UBXN7: variants seen among roughly 807,000 people sequenced by gnomAD.
The protein encoded by UBXN7 is UBX domain-containing protein 7.
In UBXN7, 9 loss-of-function variants were observed where a neutral mutation model predicts 58.0. That is an observed-to-expected ratio of 0.16 (90% confidence interval 0.09 to 0.27). The LOEUF is 0.27. Ranked by LOEUF, UBXN7 falls within the 10% of genes least tolerant of loss-of-function variation. The pLI is 1.00. For synonymous variants in UBXN7, 208 were observed against 205.0 expected, an observed-to-expected ratio of 1.01 and a Z score of -0.12; for missense variants, 328 against 599.6, an observed-to-expected ratio of 0.55 and a Z score of 4.73.
intron 3 of UBXN7, among the ~76,000 whole-genome samples, chr3:196,401,637 A>T (rs1729986513): frequency 6.7e-6 from 1 of 150,128 alleles, no homozygotes; most frequent in East Asian, 2.0e-4. Context: ...GATTGAAAAA[A>T]ATACCTATAA....
intron 5 of UBXN7, among the ~76,000 whole-genome samples, chr3:196,382,228 G>A (rs554160086): frequency 2.0e-5 from 3 of 152,126 alleles, no homozygotes; most frequent in Admixed American, 6.5e-5. Context: ...AAGTGTTAAG[G>A]GCAGCCAGAG....
chr3:196,408,880 G>A (rs546310995), intron 1 of UBXN7, among the ~76,000 whole-genome samples: 7 of 152,076 alleles, frequency 4.6e-5, no homozygotes, highest in South Asian at 2.1e-4. Context: ...ATTTGTCAGG[G>A]TGATTTTATT....
intron 5 of UBXN7, among the ~76,000 whole-genome samples, chr3:196,378,156 G>C (rs527246936): frequency 2.5e-4 from 38 of 151,960 alleles, no homozygotes; most frequent in African/African-American, 8.0e-4. Flanking sequence ...CGCTACAATG[G>C]CAAGGATTTT....
chr3:196,390,730 GAAA>G (rs528568666), intron 5 of UBXN7, among the ~76,000 whole-genome samples: 4 of 101,578 alleles, frequency 3.9e-5, no homozygotes, highest in Admixed American at 1.1e-4. Flanking sequence ...CCATCTCAAG[GAAA>G]AAAAAAAAAA....
chr3:196,402,490 G>A (rs552380606), intron 3 of UBXN7, among the ~76,000 whole-genome samples: 56 of 152,212 alleles, frequency 3.7e-4, no homozygotes, highest in Admixed American at 6.5e-4. Context: ...AAATTAATCT[G>A]ATTAAATGTC....
intron 8 of UBXN7, among the ~76,000 whole-genome samples, chr3:196,367,180 C>T (rs755993083): frequency 3.3e-4 from 47 of 142,718 alleles, no homozygotes; most frequent in Admixed American, 1.9e-3. Context: ...AAGACTCTGG[C>T]TCAAAAAAAG....
chr3:196,380,244 C>T (rs979028295), intron 5 of UBXN7, among the ~76,000 whole-genome samples: 3 of 144,898 alleles, frequency 2.1e-5, no homozygotes, highest in African/African-American at 5.1e-5. Context: ...GGCGAAAGAG[C>T]GAGATTTCAT....
chr3:196,386,440 A>G (rs1303618309), intron 5 of UBXN7, among the ~76,000 whole-genome samples: 1 of 151,008 alleles, frequency 6.6e-6, no homozygotes, highest in Non-Finnish European at 1.5e-5. Context: ...CTGTTTGCAG[A>G]TGACATGATT....
At chr3:196,393,393 G>C (rs1319868750) in intron 4 of UBXN7, among the ~76,000 whole-genome samples, 161 bp downstream of exon 4, 3 of 152,028 alleles carry the variant, frequency 2.0e-5, no homozygotes, top group Non-Finnish European at 2.9e-5. Flanking sequence ...TTAGAATTTG[G>C]AACAATTTAG....
intron 3 of UBXN7, chr3:196,400,737 A>G: frequency 2.6e-6 from 1 of 381,566 alleles, no homozygotes; most frequent in South Asian, 1.9e-5. Context: ...CCATTTCTGC[A>G]AAACAAAAGA....
intron 1 of UBXN7, among the ~76,000 whole-genome samples, chr3:196,424,689 TCCATTTTTATAA>T (rs1399843284): frequency 1.4e-5 from 2 of 146,450 alleles, no homozygotes. Context: ...CCTCGCCTCA[TCCATTTTTATAA>T]CCTTTTTTTT....
Position 196,363,484 on chromosome 3 carries a change from G to A in UBXN7, c.835-797C>T, listed in dbSNP as rs949045911. Reference sequence around the variant, plus strand: ...ATCCTGGCCAACATGGTGAAACCCCGCCTCTACTAAAAATGATTAAGCTTA... The same window carrying A: ...ATCCTGGCCAACATGGTGAAACCCCACCTCTACTAAAAATGATTAAGCTTA... On this transcript the variant is annotated intron_variant, in intron 8 of 10. Coordinates refer to ENST00000296328, the MANE Select transcript of UBXN7 (RefSeq NM_015562.2). 4.6e-5 allele frequency among the ~76,000 whole-genome samples: 7 copies of A among 151,050 alleles called. No homozygotes were observed. In the East Asian group the frequency reaches 9.8e-4, roughly 21 times the overall value.
intron 4 of UBXN7, 70 bp from the exon 5 acceptor site, chr3:196,391,995 A>AC: frequency 1.3e-6 from 1 of 757,316 alleles, no homozygotes; most frequent in South Asian, 1.8e-5. Flanking sequence ...AAAAAAAAAA[A>AC]AACACAAACT....
intron 5 of UBXN7, among the ~76,000 whole-genome samples, chr3:196,383,200 A>G (rs1277320698): frequency 1.2e-4 from 19 of 152,164 alleles, no homozygotes; most frequent in Non-Finnish European, 2.8e-4. Context: ...ACAAAAATCA[A>G]AAGAGACAAA....
At chr3:196,393,923 A>C in intron 3 of UBXN7, 1 of 186,628 alleles carries the variant, frequency 5.4e-6, no homozygotes, top group Non-Finnish European at 1.1e-5. Flanking sequence ...AACATCTTCC[A>C]TCCAGTCATC....
At chr3:196,409,287 T>C (rs888126924) in intron 1 of UBXN7, among the ~76,000 whole-genome samples, 13 of 152,106 alleles carry the variant, frequency 8.5e-5, no homozygotes, top group Non-Finnish European at 1.9e-4. Context: ...AGATCCTTAA[T>C]TCCTACTATT....
At chr3:196,421,096 G>A (rs943160992) in intron 1 of UBXN7, among the ~76,000 whole-genome samples, 1 of 152,212 alleles carries the variant, frequency 6.6e-6, no homozygotes, top group Non-Finnish European at 1.5e-5. Flanking sequence ...TAATCCTGGA[G>A]TTTTTAAGCT....
intron 5 of UBXN7, among the ~76,000 whole-genome samples, chr3:196,379,640 T>C (rs141577712): frequency 1.3e-5 from 2 of 152,298 alleles, no homozygotes; most frequent in East Asian, 3.9e-4. Context: ...TCTGAAAGCA[T>C]CTGTATGGCG....
chr3:196,358,146 C>A (rs1728403146), intron 10 of UBXN7, among the ~76,000 whole-genome samples: 1 of 152,126 alleles, frequency 6.6e-6, no homozygotes, highest in South Asian at 2.1e-4. Context: ...CACGTGCGAG[C>A]TGAGGAATAA....
Sources: gnomAD v4.1 joint callset for allele counts (sites outside exome capture counted in the v4.1 genomes callset) on GRCh38, gnomAD v4.1.1 for gene constraint, MANE v1.5 for transcripts, NCBI Gene and HGNC (gene_info 2026-07-23, HGNC 2026-07-21) for gene names.